The following SOX5 variants were observed in gnomAD, a reference collection of about 807,000 sequenced individuals.
SOX5 encodes SRY-box transcription factor 5, also known as transcription factor SOX-5.
A neutral mutation model predicts 92.0 loss-of-function variants in SOX5; 9 were observed. That is an observed-to-expected ratio of 0.10 (90% CI 0.06 to 0.17). SOX5 has a LOEUF of 0.17. Ranked by LOEUF, SOX5 falls within the 10% of genes least tolerant of loss-of-function variation. The pLI, the probability that SOX5 is intolerant of heterozygous loss-of-function variation, is 1.00. For synonymous variants in SOX5, 344 were observed against 336.3 expected (o/e 1.02, Z -0.25); for missense variants, 642 against 944.5 (o/e 0.68, Z 4.20).
chr12:23,972,095 C>T (rs918752715), intron 4 of SOX5, among the ~76,000 whole-genome samples: 2 of 152,068 alleles, frequency 1.3e-5, no homozygotes, highest in African/African-American at 2.4e-5. Flanking sequence ...AATTCTATTG[C>T]TTTGGCCTAA....
chr12:23,859,479 G>A (rs949198460), intron 2 of SOX5, among the ~76,000 whole-genome samples: 1 of 152,138 alleles, frequency 6.6e-6, no homozygotes, highest in Non-Finnish European at 1.5e-5. Flanking sequence ...TATCTGCTCT[G>A]GAACCCTGTT....
chr12:24,021,952 T>C (rs1186844466), intron 4 of SOX5, among the ~76,000 whole-genome samples: 3 of 152,234 alleles, frequency 2.0e-5, no homozygotes, highest in Non-Finnish European at 4.4e-5. Context: ...TATTATTTTC[T>C]CATGTATATT....
intron 4 of SOX5, among the ~76,000 whole-genome samples, chr12:24,082,409 A>AG (rs1943466259): frequency 7.3e-6 from 1 of 136,310 alleles, no homozygotes; most frequent in Non-Finnish European, 1.6e-5. Flanking sequence ...GAAAAGAAAA[A>AG]AAAAAAAAAA....
chr12:23,856,299 G>A (rs2096688616), intron 2 of SOX5, among the ~76,000 whole-genome samples: 1 of 152,096 alleles, frequency 6.6e-6, no homozygotes, highest in South Asian at 2.1e-4. Context: ...CAGTCTTAGA[G>A]TTTTAAAGGA....
At chr12:23,934,002 C>T (rs1941994295) in intron 1 of SOX5, among the ~76,000 whole-genome samples, 1 of 151,526 alleles carries the variant, frequency 6.6e-6, no homozygotes, top group Admixed American at 6.6e-5. Flanking sequence ...ACCTGGCAAA[C>T]ATTAGTTTAG....
intron 2 of SOX5, among the ~76,000 whole-genome samples, chr12:24,329,301 C>T (rs1228725296): frequency 1.3e-5 from 2 of 152,082 alleles, no homozygotes; most frequent in African/African-American, 4.8e-5. Context: ...TGGGAGGCCT[C>T]AGGAAACTTA....
intron 1 of SOX5, among the ~76,000 whole-genome samples, chr12:23,926,715 G>C (rs895325828): frequency 1.6e-4 from 25 of 152,074 alleles, no homozygotes; most frequent in African/African-American, 5.5e-4. Context: ...TGACAGATTT[G>C]AGTGTTTATT....
intron 2 of SOX5, among the ~76,000 whole-genome samples, chr12:24,339,126 C>T (rs921563446): frequency 6.7e-6 from 1 of 150,140 alleles, no homozygotes; most frequent in African/African-American, 2.5e-5. Context: ...TAATCCCTGC[C>T]TGTCTGTCTC....
intron 1 of SOX5, among the ~76,000 whole-genome samples, chr12:24,534,310 C>T (rs1951448043): frequency 6.6e-6 from 1 of 151,824 alleles, no homozygotes; most frequent in Non-Finnish European, 1.5e-5. Flanking sequence ...TCAGCAATCC[C>T]TCAGAAAAGT....
intron 3 of SOX5, among the ~76,000 whole-genome samples, chr12:24,242,233 A>AT (rs1389028778): frequency 9.8e-5 from 15 of 152,334 alleles, no homozygotes; most frequent in African/African-American, 3.6e-4. Flanking sequence ...GTTAGAAGCT[A>AT]TTTTTTGATA....
At chr12:23,616,358 T>G (rs147537559) in intron 8 of SOX5, among the ~76,000 whole-genome samples, 12 of 152,344 alleles carry the variant, frequency 7.9e-5, no homozygotes, top group South Asian at 2.1e-4. Flanking sequence ...ACATTTCTCC[T>G]GCTGCTTCCC....
chr12:24,478,836 C>A (rs1945661796), intron 1 of SOX5, among the ~76,000 whole-genome samples: 2 of 152,208 alleles, frequency 1.3e-5, no homozygotes, highest in Admixed American at 1.3e-4. Flanking sequence ...CCATTTAATT[C>A]TACTTATATA....
chr12:24,445,221 T>C (rs564686242), intron 1 of SOX5, among the ~76,000 whole-genome samples: 1 of 152,342 alleles, frequency 6.6e-6, no homozygotes, highest in Non-Finnish European at 1.5e-5. Context: ...ATAGCTCATG[T>C]AAGCTACATG....
In SOX5 at chr12:23,651,917, C is replaced by A. The variant is rs79575293; in HGVS notation, c.932-11020G>T. ...AATTATTTAGAAGGCTGATTATGGT[C>A]TATCGATGACCTCAAATACCAACAT... On this transcript the variant is annotated intron_variant, in intron 7 of 14. Coordinates refer to ENST00000451604, the MANE Select transcript of SOX5 (RefSeq NM_006940.6). 6.4e-3 allele frequency among the ~76,000 whole-genome samples: 967 copies of A among 151,818 alleles called. 10 individuals carry two copies. The highest frequency in any genetic ancestry group is 0.022 in the African/African-American group (909 of 41,398).
At chr12:24,388,798 G>A (rs2136456201) in intron 1 of SOX5, among the ~76,000 whole-genome samples, 1 of 152,156 alleles carries the variant, frequency 6.6e-6, no homozygotes, top group South Asian at 2.1e-4. Context: ...AGGTAGCCAT[G>A]AATGTACTTT....
At chr12:23,825,312 C>G (rs1274620609) in intron 3 of SOX5, among the ~76,000 whole-genome samples, 1 of 152,206 alleles carries the variant, frequency 6.6e-6, no homozygotes, top group African/African-American at 2.4e-5. Flanking sequence ...TCACGGCTTC[C>G]CTTGGCTAGG....
chr12:23,580,449 T>G (rs974346043), intron 9 of SOX5, among the ~76,000 whole-genome samples: 1 of 152,012 alleles, frequency 6.6e-6, no homozygotes, highest in African/African-American at 2.4e-5. Flanking sequence ...CTTATCTTGG[T>G]GACTTTTTTT....
intron 4 of SOX5, among the ~76,000 whole-genome samples, chr12:23,975,608 C>T (rs1034910912): frequency 1.3e-5 from 2 of 152,102 alleles, no homozygotes; most frequent in Non-Finnish European, 2.9e-5. Context: ...GGATCTAGAG[C>T]CAAACTATCT....
chr12:24,338,556 G>A (rs1952179037), intron 2 of SOX5, among the ~76,000 whole-genome samples: 1 of 152,122 alleles, frequency 6.6e-6, no homozygotes, highest in African/African-American at 2.4e-5. Flanking sequence ...TTTTTTGGTT[G>A]ACCTGAGTCA....
Sources: gnomAD v4.1 joint callset for allele counts (sites outside exome capture counted in the v4.1 genomes callset) on GRCh38, gnomAD v4.1.1 for gene constraint, MANE v1.5 for transcripts, NCBI Gene and HGNC (gene_info 2026-07-23, HGNC 2026-07-21) for gene names.